The following STXBP4 variants were observed in gnomAD, a reference collection of about 807,000 sequenced individuals.
The protein encoded by STXBP4 is syntaxin-binding protein 4.
In STXBP4, 55 loss-of-function variants were observed where a neutral mutation model predicts 76.1. The observed-to-expected ratio is 0.72, with a 90% confidence interval of 0.58 to 0.91. The LOEUF (loss-of-function observed/expected upper bound fraction) is 0.91. Ranked by LOEUF, STXBP4 falls within the 40% of genes least tolerant of loss-of-function variation. The probability of loss-of-function intolerance (pLI) is 0.00; values close to 1 mark genes in which losing one functional copy is unlikely to be tolerated. For synonymous variants in STXBP4, 201 were observed against 220.2 expected (o/e 0.91, Z 0.77); for missense variants, 618 against 636.9 (o/e 0.97, Z 0.32).
intron 16 of STXBP4, among the ~76,000 whole-genome samples, chr17:55,100,267 G>T (rs1029060140): frequency 6.6e-6 from 1 of 152,138 alleles, no homozygotes; most frequent in Non-Finnish European, 1.5e-5. Flanking sequence ...GCACAGTTTT[G>T]TTTTGTCTTG....
In STXBP4 at chr17:54,995,173, T is replaced by G. The variant is rs190835064; in HGVS notation, c.181-4172T>G. On this transcript the variant is annotated intron_variant, in intron 4 of 17. Transcript: ENST00000376352. Reference sequence around the variant, plus strand: ...ACATACATACTTGCTCAATTTAAATTTATGAATGAACGGTCCCGTAGTCAT... The same window carrying G: ...ACATACATACTTGCTCAATTTAAATGTATGAATGAACGGTCCCGTAGTCAT... Among the ~76,000 whole-genome samples, 20 of 152,274 alleles carry G rather than the reference T, an allele frequency of 1.3e-4. No homozygotes were observed. In the East Asian group the frequency reaches 3.7e-3, roughly 28 times the overall value.
At chr17:55,013,433 C>A (rs2078147492) in intron 8 of STXBP4, among the ~76,000 whole-genome samples, 1 of 152,202 alleles carries the variant, frequency 6.6e-6, no homozygotes, top group Non-Finnish European at 1.5e-5. Flanking sequence ...TTTTGCCATA[C>A]CTGGGAATCC....
chr17:55,013,113 A>C (rs2111097), intron 8 of STXBP4, among the ~76,000 whole-genome samples: 54,356 of 152,112 alleles, frequency 0.36, 10,689 homozygotes, highest in East Asian at 0.54. Context: ...TCAGATACTA[A>C]AACTGCTACT....
chr17:54,993,666 T>C (rs2077754309), intron 4 of STXBP4, among the ~76,000 whole-genome samples: 2 of 152,198 alleles, frequency 1.3e-5, no homozygotes, highest in Admixed American at 1.3e-4. Flanking sequence ...ATTTCTAGTC[T>C]GCACAAAATT....
chr17:55,001,272 TAAGAA>T (rs1327916557), intron 7 of STXBP4, among the ~76,000 whole-genome samples: 1 of 152,192 alleles, frequency 6.6e-6, no homozygotes, highest in East Asian at 1.9e-4. Context: ...GAGCATACCT[TAAGAA>T]AAGAAATGTA....
chr17:55,102,554 C>T (rs1363787657), intron 16 of STXBP4, among the ~76,000 whole-genome samples: 2 of 152,080 alleles, frequency 1.3e-5, no homozygotes, highest in African/African-American at 4.8e-5. Flanking sequence ...GGTTCCAAGT[C>T]TTTGCTATTG....
intron 16 of STXBP4, among the ~76,000 whole-genome samples, chr17:55,100,135 C>G (rs1353087041): frequency 6.6e-6 from 1 of 152,110 alleles, no homozygotes; most frequent in African/African-American, 2.4e-5. Context: ...CAACCTGTTG[C>G]AATACTGAAG....
the STXBP4 span, among the ~76,000 whole-genome samples, chr17:55,193,885 A>G: frequency 6.6e-6 from 1 of 151,598 alleles, no homozygotes; most frequent in African/African-American, 2.4e-5. Flanking sequence ...GACTAGCATC[A>G]CCAATCTCAG....
At chr17:54,969,681 A>C (rs925277086) in intron 1 of STXBP4, among the ~76,000 whole-genome samples, 1 of 152,234 alleles carries the variant, frequency 6.6e-6, no homozygotes, top group African/African-American at 2.4e-5. Flanking sequence ...CAGAGCAGGT[A>C]TAATTATCCC....
intron 17 of STXBP4, among the ~76,000 whole-genome samples, chr17:55,149,192 T>A (rs1442276745): frequency 1.3e-5 from 2 of 152,224 alleles, no homozygotes; most frequent in Admixed American, 1.3e-4. Context: ...ATTACTAGAT[T>A]GCACTTTAAA....
At chr17:55,011,435 C>T (rs4281787) in intron 8 of STXBP4, among the ~76,000 whole-genome samples, 3,591 of 146,708 alleles carry the variant, frequency 0.024, 103 homozygotes, top group East Asian at 0.074. Flanking sequence ...ATTTTGAGTT[C>T]GTCATTTCTG....
intron 16 of STXBP4, among the ~76,000 whole-genome samples, chr17:55,100,437 A>G (rs560258595): frequency 1.3e-5 from 2 of 152,252 alleles, no homozygotes; most frequent in Non-Finnish European, 2.9e-5. Flanking sequence ...CAAGTAAATC[A>G]AGGGAAGCTT....
intron 17 of STXBP4, among the ~76,000 whole-genome samples, chr17:55,156,593 C>T (rs1054750161): frequency 1.3e-5 from 2 of 152,130 alleles, no homozygotes; most frequent in Admixed American, 6.6e-5. Flanking sequence ...GCACTGTGTC[C>T]CATTGGTTCT....
chr17:55,026,136 G>A lies in STXBP4; in HGVS notation c.667-5032G>A, dbSNP rs569518987. Among the ~76,000 whole-genome samples the A allele has an allele frequency of 7.2e-5, 11 of 152,240 alleles. No individual in the cohort carries two copies. In the East Asian group the frequency reaches 1.2e-3, roughly 16 times the overall value. The stretch of plus-strand genomic sequence containing the variant: ...AGAAGACCTAAATAAATGGAAAGAC[G>A]TGTTGTGCTGATGAATCTATGAGCT... On this transcript the variant is annotated intron_variant, in intron 8 of 17. Transcript: ENST00000376352.
In STXBP4 at chr17:55,034,193, G is replaced by C. The variant is rs2078559436; in HGVS notation, c.789G>C (p.Leu263Phe). ...FGDFVQVARN[L>F]FCLQLDEVNV... ...ATTTTGTCCAGGTTGCCAGAAACTTGTTTTGCTTGCAGTTGGATGAAGTAA... is the reference window on the plus strand; with the variant it reads ...ATTTTGTCCAGGTTGCCAGAAACTTCTTTTGCTTGCAGTTGGATGAAGTAA... The change falls in exon 10 of 18, where the codon TTG (leucine) becomes TTC (phenylalanine). Residue 263 changes from leucine (L) to phenylalanine (F), a missense_variant. Coordinates refer to ENST00000376352, the MANE Select transcript of STXBP4 (RefSeq NM_178509.6). 1 of 1,612,486 alleles carries C rather than the reference G, an allele frequency of 6.2e-7. No homozygotes were observed. Among genetic ancestry groups the C allele is most frequent in the East Asian group, 2.2e-5 (1 of 44,774 alleles).
chr17:55,159,118 A>C (rs1377119246), intron 17 of STXBP4, among the ~76,000 whole-genome samples: 1 of 152,086 alleles, frequency 6.6e-6, no homozygotes, highest in African/African-American at 2.4e-5. Context: ...GGTGGTGCGC[A>C]CCTTTAGCCC....
At chr17:55,131,268 C>T (rs2079971062) in intron 16 of STXBP4, among the ~76,000 whole-genome samples, 1 of 152,128 alleles carries the variant, frequency 6.6e-6, no homozygotes. Flanking sequence ...GATGATTATT[C>T]ATGGTGAATC....
At chr17:55,002,902 C>A (rs1158742678) in intron 7 of STXBP4, among the ~76,000 whole-genome samples, 1 of 152,114 alleles carries the variant, frequency 6.6e-6, no homozygotes, top group Non-Finnish European at 1.5e-5. Flanking sequence ...TAATATGGAA[C>A]CTATAGCTTA....
chr17:55,171,087 G>A lies in STXBP4; in HGVS notation c.*11176G>A, dbSNP rs1183723036. The A allele has an allele frequency of 6.6e-6, 1 of 152,128 alleles. No individual in the cohort carries two copies. The highest frequency in any genetic ancestry group is 1.5e-5 in the Non-Finnish European group (1 of 68,016). 9.4% of individuals were successfully genotyped at this position (152,128 alleles called of 1,614,324 possible). On this transcript the variant is annotated 3_prime_UTR_variant, in exon 18 of 18. Transcript: ENST00000376352. ...ATTTTTTTCTGCCTTGAAAACTTTT[G>A]TGCAGTAAAACCAGCAATGGATTTT...
Sources: gnomAD v4.1 joint callset for allele counts (sites outside exome capture counted in the v4.1 genomes callset) on GRCh38, gnomAD v4.1.1 for gene constraint, MANE v1.5 for transcripts, NCBI Gene and HGNC (gene_info 2026-07-23, HGNC 2026-07-21) for gene names.